FAM168A: variants seen among roughly 807,000 people sequenced by gnomAD.
The protein encoded by FAM168A is family with sequence similarity 168 member A, also known as protein FAM168A.
In FAM168A, 3 loss-of-function variants were observed where a neutral mutation model predicts 28.5. The observed-to-expected ratio is 0.11, with a 90% CI of 0.05 to 0.27. The LOEUF is 0.27. Ranked by LOEUF, FAM168A falls within the 10% of genes least tolerant of loss-of-function variation. The pLI is 1.00. For missense variants in FAM168A, 222 were observed against 311.5 expected, an observed-to-expected ratio of 0.71 and a Z score of 2.16; for synonymous variants, 122 against 124.2, an observed-to-expected ratio of 0.98 and a Z score of 0.12.
intron 2 of FAM168A, among the ~76,000 whole-genome samples, chr11:73,441,604 T>C (rs1312308215): frequency 2.0e-5 from 3 of 152,240 alleles, no homozygotes; most frequent in Admixed American, 2.0e-4. Flanking sequence ...TGATAATTCT[T>C]ACTCAAATAT....
chr11:73,476,768 TGAAA>T (rs1455811269), intron 1 of FAM168A, among the ~76,000 whole-genome samples: 1 of 151,936 alleles, frequency 6.6e-6, no homozygotes, highest in Non-Finnish European at 1.5e-5. Flanking sequence ...ATATAAAAAT[TGAAA>T]GAGTCAAATG....
At chr11:73,426,953 G>A (rs1474289114) in intron 3 of FAM168A, among the ~76,000 whole-genome samples, 1 of 152,032 alleles carries the variant, frequency 6.6e-6, no homozygotes. Context: ...GGACAATCAA[G>A]TTAGATGAGG....
intron 1 of FAM168A, among the ~76,000 whole-genome samples, chr11:73,511,361 C>T (rs1407139308): frequency 2.0e-5 from 3 of 152,008 alleles, no homozygotes; most frequent in Middle Eastern, 3.2e-3. Context: ...CTCAGCCTCC[C>T]AAGTAGCTGA....
intron 1 of FAM168A, among the ~76,000 whole-genome samples, chr11:73,478,746 A>G (rs1413262990): frequency 6.6e-6 from 1 of 152,208 alleles, no homozygotes; most frequent in Non-Finnish European, 1.5e-5. Context: ...CAGGCCATGC[A>G]TAAAGTGTTA....
chr11:73,509,513 C>T (rs1855177969), intron 1 of FAM168A, among the ~76,000 whole-genome samples: 2 of 152,104 alleles, frequency 1.3e-5, no homozygotes, highest in South Asian at 4.1e-4. Flanking sequence ...CAAGAATAGT[C>T]AAAGCACCAC....
chr11:73,495,179 A>C (rs1854847208), intron 1 of FAM168A, among the ~76,000 whole-genome samples: 1 of 151,464 alleles, frequency 6.6e-6, no homozygotes, highest in Non-Finnish European at 1.5e-5. Context: ...AATACAAAAA[A>C]TTAGCCAGGC....
intron 1 of FAM168A, among the ~76,000 whole-genome samples, chr11:73,493,641 T>C (rs1854806412): frequency 6.6e-6 from 1 of 152,176 alleles, no homozygotes; most frequent in Admixed American, 6.5e-5. Flanking sequence ...GGTCTCAAAC[T>C]CCTGGGCTCA....
At chr11:73,465,805 T>A (rs1867725759) in intron 2 of FAM168A, among the ~76,000 whole-genome samples, 1 of 152,184 alleles carries the variant, frequency 6.6e-6, no homozygotes, top group Non-Finnish European at 1.5e-5. Context: ...TGAAAGTATA[T>A]GGCATATTAC....
chr11:73,565,773 T>TA (rs919600089), intron 1 of FAM168A, among the ~76,000 whole-genome samples: 1 of 152,188 alleles, frequency 6.6e-6, no homozygotes, highest in African/African-American at 2.4e-5. Context: ...GGAAGGCTTT[T>TA]AAAAACAATA....
At chr11:73,579,348 G>A (rs977521632) in intron 1 of FAM168A, among the ~76,000 whole-genome samples, 1 of 152,134 alleles carries the variant, frequency 6.6e-6, no homozygotes, top group Non-Finnish European at 1.5e-5. Flanking sequence ...CTAATGGATA[G>A]AGAAAATAAG....
At chr11:73,589,495 G>GAA (rs780232062) in intron 1 of FAM168A, among the ~76,000 whole-genome samples, 8 of 64,936 alleles carry the variant, frequency 1.2e-4, no homozygotes, top group East Asian at 4.0e-4. Context: ...CTGATAAGCT[G>GAA]AAAAAAAAAA....
intron 1 of FAM168A, among the ~76,000 whole-genome samples, chr11:73,588,002 G>C (rs1438392355): frequency 6.6e-6 from 1 of 151,954 alleles, no homozygotes; most frequent in Non-Finnish European, 1.5e-5. Flanking sequence ...CACCCACCTC[G>C]GCCTCCCAAA....
chr11:73,451,480 C>CACAATGACT (rs1172750693), intron 2 of FAM168A, among the ~76,000 whole-genome samples: 7 of 152,162 alleles, frequency 4.6e-5, no homozygotes, highest in Admixed American at 4.6e-4. Context: ...GCACTGAGAA[C>CACAATGACT]ACAATGACTG....
At chr11:73,577,544 G>A (rs1164617281) in intron 1 of FAM168A, among the ~76,000 whole-genome samples, 3 of 152,200 alleles carry the variant, frequency 2.0e-5, no homozygotes, top group Non-Finnish European at 4.4e-5. Flanking sequence ...AGTCATGGGA[G>A]GATGCAGATG....
chr11:73,502,537 G>A (rs540514588), intron 1 of FAM168A, among the ~76,000 whole-genome samples: 3 of 152,208 alleles, frequency 2.0e-5, no homozygotes, highest in East Asian at 3.9e-4. Flanking sequence ...AGGACCACAC[G>A]GATTTACAGC....
chr11:73,459,392 A>T (rs1257827714), intron 2 of FAM168A, among the ~76,000 whole-genome samples: 1 of 151,104 alleles, frequency 6.6e-6, no homozygotes, highest in Non-Finnish European at 1.5e-5. Flanking sequence ...AGGCTGAGGC[A>T]GGAGAATGGC....
intron 1 of FAM168A, among the ~76,000 whole-genome samples, chr11:73,587,328 C>A (rs1007431925): frequency 5.3e-5 from 8 of 151,906 alleles, no homozygotes; most frequent in Non-Finnish European, 8.8e-5. Context: ...CCCGTTTCTA[C>A]TAAAAATACA....
At chr11:73,454,463 G>A (rs56045329) in intron 2 of FAM168A, among the ~76,000 whole-genome samples, 9,453 of 152,144 alleles carry the variant, frequency 0.062, 872 homozygotes, top group African/African-American at 0.2. Flanking sequence ...CAAGATTCAC[G>A]CTTGCCTTCT....
At chr11:73,567,364 G>C (rs1447901230) in intron 1 of FAM168A, among the ~76,000 whole-genome samples, 1 of 152,172 alleles carries the variant, frequency 6.6e-6, no homozygotes, top group Non-Finnish European at 1.5e-5. Flanking sequence ...TTTTGAGCCA[G>C]ACTTGTGACT....
Sources: gnomAD v4.1 joint callset for allele counts (sites outside exome capture counted in the v4.1 genomes callset) on GRCh38, gnomAD v4.1.1 for gene constraint, MANE v1.5 for transcripts, NCBI Gene and HGNC (gene_info 2026-07-23, HGNC 2026-07-21) for gene names.